RASGRF2: variants seen among roughly 807,000 people sequenced by gnomAD.
RASGRF2 encodes ras-specific guanine nucleotide-releasing factor 2.
RASGRF2 carries 76 observed loss-of-function variants against 151.0 expected under a neutral mutation model. The observed-to-expected ratio is 0.50, with a 90% CI of 0.42 to 0.61. The LOEUF is 0.61. RASGRF2 is among the 20% of genes least tolerant of loss of function. The pLI is 0.00. For synonymous variants in RASGRF2, 504 were observed against 566.5 expected (o/e 0.89, Z 1.57); for missense variants, 1,148 against 1,564.6 (o/e 0.73, Z 4.49).
At chr5:81,217,575 T>TTC (rs1755769925) in intron 25 of RASGRF2, 102 bp downstream of exon 25, 1 of 171,382 alleles carries the variant, frequency 5.8e-6, no homozygotes, top group African/African-American at 5.1e-5. Flanking sequence ...TTTTCTCTTC[T>TTC]TTTTTTTTTT....
At chr5:81,059,575 G>C (rs185938460) in intron 2 of RASGRF2, among the ~76,000 whole-genome samples, 1 of 149,830 alleles carries the variant, frequency 6.7e-6, no homozygotes, top group Non-Finnish European at 1.5e-5. Flanking sequence ...GGCTGGGCGC[G>C]GTGGCTCACA....
intron 15 of RASGRF2, among the ~76,000 whole-genome samples, chr5:81,122,760 A>G (rs1489398522): frequency 2.0e-5 from 3 of 152,238 alleles, no homozygotes; most frequent in African/African-American, 4.8e-5. Context: ...CTGAAAGAAC[A>G]TACACAAAGT....
At chr5:81,123,496 T>G in intron 15 of RASGRF2, 146 bp from the exon 16 acceptor site, 1 of 997,904 alleles carries the variant, frequency 1.0e-6, no homozygotes, top group Non-Finnish European at 1.4e-6. Flanking sequence ...AGATTTAGTG[T>G]CATTAGTACT....
chr5:81,179,902 G>A (rs192377336), intron 17 of RASGRF2, among the ~76,000 whole-genome samples: 80 of 152,318 alleles, frequency 5.3e-4, no homozygotes, highest in Non-Finnish European at 3.4e-4. Flanking sequence ...CATAAATGGA[G>A]GTGTCAGGAG....
chr5:81,054,274 C>G (rs1447744204), intron 2 of RASGRF2, among the ~76,000 whole-genome samples: 2 of 152,260 alleles, frequency 1.3e-5, no homozygotes, highest in Middle Eastern at 3.4e-3. Context: ...ACATGTAAGT[C>G]TTTAATCCAT....
intron 17 of RASGRF2, among the ~76,000 whole-genome samples, chr5:81,142,042 T>C (rs535353810): frequency 1.4e-4 from 21 of 152,304 alleles, no homozygotes; most frequent in African/African-American, 4.1e-4. Context: ...CATAAACTTA[T>C]AAGAAAGGCA....
At chr5:81,114,488 C>T (rs959576985) in intron 15 of RASGRF2, among the ~76,000 whole-genome samples, 2 of 152,146 alleles carry the variant, frequency 1.3e-5, no homozygotes, top group Non-Finnish European at 2.9e-5. Flanking sequence ...TTGCTTGTGA[C>T]GTAGCCAAAA....
chr5:81,141,139 G>T (rs1441070864), intron 17 of RASGRF2, among the ~76,000 whole-genome samples: 1 of 152,178 alleles, frequency 6.6e-6, no homozygotes, highest in East Asian at 1.9e-4. Context: ...ACCAGTGTGT[G>T]ACCTCAGATT....
chr5:81,216,023 C>T, intron 24 of RASGRF2, 68 bp downstream of exon 24: 2 of 1,299,548 alleles, frequency 1.5e-6, no homozygotes, highest in South Asian at 2.3e-5. Context: ...ATATAGTATA[C>T]AAACAGTGAC....
At chr5:81,180,048 C>T (rs1006366477) in intron 17 of RASGRF2, 127 bp from the exon 18 acceptor site, 7 of 626,852 alleles carry the variant, frequency 1.1e-5, no homozygotes, top group South Asian at 7.5e-5. Context: ...TGAAGCCACG[C>T]GCACCTCTCT....
chr5:81,062,138 A>G (rs188992541), intron 2 of RASGRF2, among the ~76,000 whole-genome samples: 51 of 152,160 alleles, frequency 3.4e-4, no homozygotes, highest in African/African-American at 1.2e-3. Context: ...CACTGTGCCC[A>G]GCAAGAAGGA....
chr5:81,159,661 A>G (rs1045841055), intron 17 of RASGRF2, among the ~76,000 whole-genome samples: 1 of 152,196 alleles, frequency 6.6e-6, no homozygotes, highest in African/African-American at 2.4e-5. Context: ...AAAACTATAA[A>G]TTTACTAAAT....
intron 17 of RASGRF2, among the ~76,000 whole-genome samples, chr5:81,166,726 A>G (rs1305992335): frequency 1.3e-5 from 2 of 152,112 alleles, no homozygotes; most frequent in South Asian, 4.2e-4. Context: ...ATGGTGGGCA[A>G]CCTGAGCTTC....
chr5:81,225,513 CT>C (rs11341888), intron 26 of RASGRF2, among the ~76,000 whole-genome samples, 164 bp from the exon 27 acceptor site: 63,777 of 141,334 alleles, frequency 0.45, 14,224 homozygotes, highest in Admixed American at 0.57. Flanking sequence ...AGATGTTCAC[CT>C]TTTTTTTTTT....
At chr5:81,183,317 A>G in intron 18 of RASGRF2, 1 of 981,722 alleles carries the variant, frequency 1.0e-6, no homozygotes, top group Non-Finnish European at 1.2e-6. Flanking sequence ...CTTCTCATCA[A>G]AGGTAACTAA....
chr5:81,148,730 G>A (rs1316499442), intron 17 of RASGRF2, among the ~76,000 whole-genome samples: 2 of 151,618 alleles, frequency 1.3e-5, no homozygotes, highest in Non-Finnish European at 2.9e-5. Context: ...GCGAAATGAC[G>A]AGTTAATGGG....
At chr5:81,161,367 G>C (rs780845591) in intron 17 of RASGRF2, among the ~76,000 whole-genome samples, 1 of 152,244 alleles carries the variant, frequency 6.6e-6, no homozygotes, top group Non-Finnish European at 1.5e-5. Flanking sequence ...CATACTGAGA[G>C]AGAAGGCCTC....
intron 1 of RASGRF2, among the ~76,000 whole-genome samples, chr5:80,970,318 C>T (rs886293024): frequency 5.9e-5 from 9 of 152,114 alleles, no homozygotes; most frequent in Non-Finnish European, 1.5e-5. Flanking sequence ...TGTCCTATGA[C>T]TGATTGTTTT....
Position 80,960,679 on chromosome 5 carries a change from C to G in RASGRF2, c.-60C>G. On this transcript the variant is annotated 5_prime_UTR_variant, in exon 1 of 27. Transcript: ENST00000265080. This position sits in a 1 kb window ranked among gnomAD's most constrained non-coding sequence, Gnocchi z 5.5. ...CGCGCCCTCGAGGGAGCCAGCTGGG[C>G]CATGGCCGCGAGGCAGGGGTGAGAC... 3.7e-6 allele frequency: 5 copies of G among 1,369,542 alleles called. No individual in the cohort carries two copies. The highest frequency in any genetic ancestry group is 4.8e-6 in the Non-Finnish European group (5 of 1,044,482). The allele number at this position is 1,369,542 out of a possible 1,614,324, so 84.8% of individuals were successfully genotyped here.
Sources: allele counts gnomAD v4.1 joint callset (sites outside exome capture counted in the v4.1 genomes callset), GRCh38; gene constraint gnomAD v4.1.1; non-coding constraint Gnocchi (gnomAD v3.1); transcripts MANE v1.5; gene names NCBI Gene and HGNC (gene_info 2026-07-23, HGNC 2026-07-21).